Variants in BRINP2 observed in about 807,000 individuals in gnomAD.
BRINP2 encodes BMP/retinoic acid inducible neural specific 2, also known as BMP/retinoic acid-inducible neural-specific protein 2.
In BRINP2, 21 loss-of-function variants were observed where a neutral mutation model predicts 69.2. The observed-to-expected ratio is 0.30, with a 90% CI of 0.22 to 0.44. BRINP2 has a LOEUF of 0.44. Among genes scored for constraint, BRINP2 ranks in the 20% least tolerant of loss-of-function variants. The pLI, the probability that BRINP2 is intolerant of heterozygous loss-of-function variation, is 1.00. For synonymous variants in BRINP2, 380 were observed against 394.1 expected, an observed-to-expected ratio of 0.96 and a Z score of 0.42; for missense variants, 877 against 986.0, an observed-to-expected ratio of 0.89 and a Z score of 1.48.
chr1:177,179,896 A>G (rs936755893), intron 1 of BRINP2, among the ~76,000 whole-genome samples: 1 of 152,114 alleles, frequency 6.6e-6, no homozygotes, highest in Non-Finnish European at 1.5e-5. Flanking sequence ...TTTGCTCTAC[A>G]ATTTTATGTA....
At chr1:177,263,941 ATAAAACT>A (rs1226762201) in intron 4 of BRINP2, among the ~76,000 whole-genome samples, 1 of 152,188 alleles carries the variant, frequency 6.6e-6, no homozygotes, top group African/African-American at 2.4e-5. Flanking sequence ...AATGCAGCTG[ATAAAACT>A]TAAAACTATG....
At chr1:177,269,737 C>T (rs555412695) in intron 4 of BRINP2, among the ~76,000 whole-genome samples, 61 of 152,060 alleles carry the variant, frequency 4.0e-4, no homozygotes, top group African/African-American at 1.4e-3. Context: ...TGAAAGTGGA[C>T]GGTGGAGGGT....
At chr1:177,191,821 G>A (rs1648605863) in intron 1 of BRINP2, among the ~76,000 whole-genome samples, 1 of 152,110 alleles carries the variant, frequency 6.6e-6, no homozygotes, top group Non-Finnish European at 1.5e-5. Context: ...TGTGCAGAAG[G>A]GACCCAGACT....
chr1:177,280,518 G>A lies in BRINP2; in HGVS notation c.1342G>A (p.Asp448Asn). The A allele has an allele frequency of 6.2e-7, 1 of 1,614,184 alleles. No homozygotes were observed. The highest frequency in any genetic ancestry group is 8.5e-7 in the Non-Finnish European group (1 of 1,180,044). Residue 448 changes from aspartate (D) to asparagine (N), a missense_variant, in exon 8 of 8, where the codon GAC becomes AAC. Coordinates refer to ENST00000361539, the MANE Select transcript of BRINP2 (RefSeq NM_021165.4). ...GAGCCACAGCTGCACCTGCCCCTAT[G>A]ACCAATCTTCCTGCCAGGGCCCCAT... The part of the protein sequence containing the change: ...EQSHSCTCPY[D>N]QSSCQGPIPC...
Position 177,281,684 on chromosome 1 carries a change from G to A in BRINP2, c.*156G>A. On this transcript the variant is annotated 3_prime_UTR_variant, in exon 8 of 8. Coordinates refer to ENST00000361539, the MANE Select transcript of BRINP2 (RefSeq NM_021165.4). ...TCGAGGCTCGAGCTGAAGCAGGCGA[G>A]AGAGAAACAGCTACTGCGTGCGTGC... is the stretch of plus-strand genomic sequence containing the variant. 1 of 959,368 alleles carries A rather than the reference G, an allele frequency of 1.0e-6. No individual in the cohort carries two copies. Among genetic ancestry groups the A allele is most frequent in the South Asian group, 1.7e-5 (1 of 59,568 alleles). The allele number at this position is 959,368 out of a possible 1,614,324, so 59.4% of individuals were successfully genotyped here. A position where few individuals can be genotyped will look rare whatever the true frequency, so the allele number is the denominator to read the frequency against.
At position 177,252,168 on chromosome 1, in the gene BRINP2, T is replaced by G. The variant is rs149577876; in HGVS notation, c.270-3751T>G. ...GAAAATACTTTTGACAAATACTCTG[T>G]ACTTTAATTAAAGCTTAGCATTTGC... On this transcript the variant is annotated intron_variant, in intron 2 of 7. Transcript: ENST00000361539. Among the ~76,000 whole-genome samples the G allele has an allele frequency of 4.4e-3, 673 of 152,310 alleles. 2 individuals are homozygous for G. The highest frequency in any genetic ancestry group is 0.016 in the African/African-American group (659 of 41,580).
intron 1 of BRINP2, among the ~76,000 whole-genome samples, chr1:177,216,839 C>T (rs540736840): frequency 1.9e-4 from 28 of 150,506 alleles, no homozygotes; most frequent in Admixed American, 7.3e-4. Context: ...TCTCCTGGCC[C>T]GCGGTGTTTC....
intron 2 of BRINP2, among the ~76,000 whole-genome samples, chr1:177,233,370 A>G (rs1202966017): frequency 6.6e-6 from 1 of 152,240 alleles, no homozygotes; most frequent in Non-Finnish European, 1.5e-5. Context: ...AAGTGGGGAC[A>G]GTAATAGTGC....
At chr1:177,212,320 C>T (rs1014849984) in intron 1 of BRINP2, among the ~76,000 whole-genome samples, 4 of 151,944 alleles carry the variant, frequency 2.6e-5, no homozygotes, top group Admixed American at 2.6e-4. Flanking sequence ...CTGAGGTGGG[C>T]GGATCACAAG....
At chr1:177,202,500 A>C (rs986529451) in intron 1 of BRINP2, among the ~76,000 whole-genome samples, 2 of 152,154 alleles carry the variant, frequency 1.3e-5, no homozygotes, top group East Asian at 3.8e-4. Context: ...GTTTCCATGT[A>C]GTTGAGTGGT....
At chr1:177,213,251 T>C (rs186853646) in intron 1 of BRINP2, among the ~76,000 whole-genome samples, 1 of 152,276 alleles carries the variant, frequency 6.6e-6, no homozygotes, top group Admixed American at 6.5e-5. Context: ...ACTACTGACA[T>C]TTGGGGTCAC....
intron 1 of BRINP2, among the ~76,000 whole-genome samples, chr1:177,227,193 G>A (rs1649722656): frequency 6.6e-6 from 1 of 152,150 alleles, no homozygotes; most frequent in African/African-American, 2.4e-5. Context: ...AAGGGTGTGG[G>A]GATCTTGGTC....
chr1:177,266,505 A>G (rs999039726), intron 4 of BRINP2, among the ~76,000 whole-genome samples: 1 of 151,990 alleles, frequency 6.6e-6, no homozygotes, highest in African/African-American at 2.4e-5. Context: ...CACGCCTGTA[A>G]TCCCAGCACT....
chr1:177,250,346 A>T (rs1420247099), intron 2 of BRINP2, among the ~76,000 whole-genome samples: 3 of 122,976 alleles, frequency 2.4e-5, no homozygotes, highest in Non-Finnish European at 3.7e-5. Context: ...TGTTTGTTTG[A>T]GATGGAGTCT....
At chr1:177,217,349 T>TA (rs938362661) in intron 1 of BRINP2, among the ~76,000 whole-genome samples, 4 of 151,670 alleles carry the variant, frequency 2.6e-5, no homozygotes, top group Non-Finnish European at 5.9e-5. Context: ...AATCTCCATT[T>TA]AAAAAAAAAG....
intron 2 of BRINP2, among the ~76,000 whole-genome samples, chr1:177,233,416 A>G (rs1649922467): frequency 6.6e-6 from 1 of 152,236 alleles, no homozygotes; most frequent in Non-Finnish European, 1.5e-5. Context: ...TAAAGGAAGT[A>G]TTTGATGTAG....
At chr1:177,208,560 G>T (rs2102309040) in intron 1 of BRINP2, among the ~76,000 whole-genome samples, 1 of 152,268 alleles carries the variant, frequency 6.6e-6, no homozygotes, top group Non-Finnish European at 1.5e-5. Context: ...TGTAGAGAGT[G>T]TGCATTATTC....
rs1648123556 is a variant in BRINP2 at position 177,177,567 on chromosome 1, C to T, written c.-77+5835C>T. On this transcript the variant is annotated intron_variant, in intron 1 of 7. Transcript: ENST00000361539. ...GTTATTAACTCCATTCAAGGTTTTT[C>T]ATAACCTGCCCCAAATTACCTTTAT... 3.9e-5 allele frequency among the ~76,000 whole-genome samples: 6 copies of T among 152,292 alleles called. No homozygotes were observed. The South Asian group carries it at 1.2e-3, about 32-fold the overall frequency.
intron 1 of BRINP2, among the ~76,000 whole-genome samples, chr1:177,216,086 A>G (rs143476909): frequency 7.9e-4 from 120 of 152,082 alleles, no homozygotes; most frequent in African/African-American, 2.8e-3. Flanking sequence ...ATGTCTTTTG[A>G]TTGGAGAATT....
Sources: gnomAD v4.1 joint callset for allele counts (sites outside exome capture counted in the v4.1 genomes callset) on GRCh38, gnomAD v4.1.1 for gene constraint, MANE v1.5 for transcripts, NCBI Gene and HGNC (gene_info 2026-07-23, HGNC 2026-07-21) for gene names.